Variants in CDH12 observed in about 807,000 individuals in gnomAD.
CDH12 encodes cadherin-12.
Under a neutral mutation model 74.1 loss-of-function variants are expected in CDH12, and 41 were observed. The observed-to-expected ratio is 0.55, with a 90% CI of 0.43 to 0.72. The LOEUF (loss-of-function observed/expected upper bound fraction) is 0.72, where lower values mean the gene tolerates loss of function less well. Ranked by LOEUF, CDH12 falls within the 30% of genes least tolerant of loss-of-function variation. The pLI, the probability that CDH12 is intolerant of heterozygous loss-of-function variation, is 0.00. For missense variants in CDH12, 945 were observed against 977.2 expected, an observed-to-expected ratio of 0.97 and a Z score of 0.44; for synonymous variants, 399 against 355.0, an observed-to-expected ratio of 1.12 and a Z score of -1.39.
At chr5:22,373,902 T>C (rs1741405348) in intron 3 of CDH12, among the ~76,000 whole-genome samples, 2 of 152,192 alleles carry the variant, frequency 1.3e-5, no homozygotes, top group South Asian at 4.1e-4. Flanking sequence ...AAATATGACA[T>C]CTCTTCAGGA....
intron 3 of CDH12, among the ~76,000 whole-genome samples, chr5:22,276,449 T>A (rs1287598772): frequency 6.6e-6 from 1 of 152,174 alleles, no homozygotes; most frequent in Admixed American, 6.5e-5. Flanking sequence ...TTGCCGTAAA[T>A]GAATACTGAT....
chr5:22,410,408 C>T (rs991811778), intron 2 of CDH12, among the ~76,000 whole-genome samples: 1 of 152,010 alleles, frequency 6.6e-6, no homozygotes, highest in African/African-American at 2.4e-5. Flanking sequence ...AAGGTCCTGC[C>T]CCAGACTCGC....
intron 4 of CDH12, among the ~76,000 whole-genome samples, chr5:22,097,335 C>A (rs768193537): frequency 2.0e-5 from 3 of 152,168 alleles, no homozygotes; most frequent in Non-Finnish European, 4.4e-5. Context: ...TGCCCGATCG[C>A]CTCAGAAGCC....
At chr5:22,045,819 GTTGT>G (rs1158364278) in intron 5 of CDH12, among the ~76,000 whole-genome samples, 5 of 152,052 alleles carry the variant, frequency 3.3e-5, no homozygotes, top group African/African-American at 4.8e-5. Context: ...TGGAGGACAG[GTTGT>G]TTAACAGTTA....
chr5:22,832,183 C>T (rs1183756040), intron 1 of CDH12, among the ~76,000 whole-genome samples: 1 of 152,162 alleles, frequency 6.6e-6, no homozygotes. Context: ...GTGACCTTGA[C>T]ATCAAACTTT....
At chr5:21,901,622 CA>C (rs1332727876) in intron 6 of CDH12, among the ~76,000 whole-genome samples, 4 of 152,070 alleles carry the variant, frequency 2.6e-5, no homozygotes, top group Non-Finnish European at 5.9e-5. Flanking sequence ...CACATTTTGG[CA>C]AACAACCACC....
intron 10 of CDH12, among the ~76,000 whole-genome samples, chr5:21,800,728 G>A (rs575654716): frequency 9.8e-5 from 15 of 152,328 alleles, no homozygotes; most frequent in Non-Finnish European, 1.5e-4. Flanking sequence ...CATGTTGAAG[G>A]AGGGTCCTTG....
Position 22,715,463 on chromosome 5 carries a change from G to C in CDH12, c.-523+137595C>G, listed in dbSNP as rs145131180. ...GTGCTGCTACTCAGTACCAAATACT[G>C]TGATTGATGTTTGAGCAGCAGATGG... On this transcript the variant is annotated intron_variant, in intron 1 of 14. Coordinates refer to ENST00000382254, the MANE Select transcript of CDH12 (RefSeq NM_004061.5). Among the ~76,000 whole-genome samples the C allele has an allele frequency of 5.3e-5, 8 of 152,262 alleles. No individual in the cohort carries two copies. In the East Asian group the frequency reaches 1.4e-3, roughly 26 times the overall value.
At chr5:22,057,522 G>A (rs1465618589) in intron 5 of CDH12, among the ~76,000 whole-genome samples, 1 of 152,096 alleles carries the variant, frequency 6.6e-6, no homozygotes, top group East Asian at 1.9e-4. Context: ...CTTCCCTCCC[G>A]GGGGTGAGGG....
intron 2 of CDH12, among the ~76,000 whole-genome samples, chr5:22,452,423 T>C (rs1745079863): frequency 6.6e-6 from 1 of 152,124 alleles, no homozygotes; most frequent in South Asian, 2.1e-4. Flanking sequence ...TTTACACATT[T>C]ACAGTCAAAT....
At chr5:22,420,020 G>GGT (rs745477104) in intron 2 of CDH12, among the ~76,000 whole-genome samples, 75 of 151,134 alleles carry the variant, frequency 5.0e-4, no homozygotes, top group Admixed American at 1.3e-3. Flanking sequence ...TGTTTGTTTT[G>GGT]GTGTGTGTGT....
chr5:21,871,930 T>C (rs1311261064), intron 6 of CDH12, among the ~76,000 whole-genome samples: 3 of 152,138 alleles, frequency 2.0e-5, no homozygotes, highest in Non-Finnish European at 2.9e-5. Context: ...ATTTAAAATA[T>C]ATTAAAATGC....
chr5:22,418,005 A>T (rs568568705), intron 2 of CDH12, among the ~76,000 whole-genome samples: 1 of 152,298 alleles, frequency 6.6e-6, no homozygotes, highest in African/African-American at 2.4e-5. Flanking sequence ...TTAAGTTCTT[A>T]ATAGGGATAG....
At chr5:22,091,057 A>G (rs1268845260) in intron 4 of CDH12, among the ~76,000 whole-genome samples, 5 of 151,872 alleles carry the variant, frequency 3.3e-5, no homozygotes, top group Admixed American at 6.6e-5. Context: ...TCTTTACGAC[A>G]TTCTAATGGA....
intron 6 of CDH12, among the ~76,000 whole-genome samples, chr5:21,915,498 G>A (rs191711988): frequency 4.6e-5 from 7 of 152,288 alleles, no homozygotes; most frequent in Non-Finnish European, 8.8e-5. Flanking sequence ...GATCACATTA[G>A]TACATTCATT....
intron 2 of CDH12, among the ~76,000 whole-genome samples, chr5:22,464,465 T>C (rs989085093): frequency 2.6e-5 from 4 of 152,184 alleles, no homozygotes; most frequent in African/African-American, 9.7e-5. Flanking sequence ...TTTAAGCTAC[T>C]CCCCCTTCAA....
chr5:22,777,002 C>G, intron 1 of CDH12, among the ~76,000 whole-genome samples: 1 of 152,028 alleles, frequency 6.6e-6, no homozygotes, highest in African/African-American at 2.4e-5. Context: ...TCTTCCACAC[C>G]TCCATTTTTT....
chr5:21,848,548 A>T (rs974786414), intron 7 of CDH12, among the ~76,000 whole-genome samples: 2 of 151,948 alleles, frequency 1.3e-5, no homozygotes, highest in East Asian at 1.9e-4. Flanking sequence ...TGTAAAATGG[A>T]TTTTTTAAAA....
chr5:22,331,321 C>T (rs539229717), intron 3 of CDH12, among the ~76,000 whole-genome samples: 1 of 152,266 alleles, frequency 6.6e-6, no homozygotes, highest in South Asian at 2.1e-4. Flanking sequence ...GTGGTAGCCA[C>T]ACGTGTGCTC....
Sources: gnomAD v4.1 joint callset for allele counts (sites outside exome capture counted in the v4.1 genomes callset) on GRCh38, gnomAD v4.1.1 for gene constraint, MANE v1.5 for transcripts, NCBI Gene and HGNC (gene_info 2026-07-23, HGNC 2026-07-21) for gene names.